MCUR1: variants seen among roughly 807,000 people sequenced by gnomAD.
MCUR1 encodes the protein MCU regulator 1.
MCUR1 carries 37 observed loss-of-function variants against 42.0 expected under a neutral mutation model. That is an observed-to-expected ratio of 0.88 (90% CI 0.68 to 1.16). The LOEUF is 1.16. Ranked by LOEUF, MCUR1 falls within the 50% of genes most tolerant of loss-of-function variation. The pLI is 0.00. For missense variants in MCUR1, 469 were observed against 468.4 expected (o/e 1.00, Z -0.01); for synonymous variants, 229 against 196.2 (o/e 1.17, Z -1.40).
chr6:13,793,148 A>G (rs1456555589), intron 7 of MCUR1, among the ~76,000 whole-genome samples: 1 of 145,064 alleles, frequency 6.9e-6, no homozygotes, highest in African/African-American at 2.6e-5. Context: ...AAAAAAAAAG[A>G]AAGAAGAAAA....
intron 1 of MCUR1, among the ~76,000 whole-genome samples, chr6:13,813,742 C>A (rs1265404484): frequency 6.6e-6 from 1 of 152,168 alleles, no homozygotes; most frequent in Non-Finnish European, 1.5e-5. Flanking sequence ...TAGGAGTGGG[C>A]GGGCACCAAC....
Position 13,789,482 on chromosome 6 carries a change from A to G in MCUR1, c.*1327T>C. ...ATTTGTTTTCAATATAAAGGCAGGT[A>G]TGAGAATGTTTTGAACAACAGAATT... On this transcript the variant is annotated 3_prime_UTR_variant, in exon 9 of 9. Transcript: ENST00000379170. 6.6e-6 allele frequency: 1 copy of G among 152,200 alleles called. No individual in the cohort carries two copies. Among genetic ancestry groups the G allele is most frequent in the Admixed American group, 6.5e-5 (1 of 15,282 alleles). The allele number at this position is 152,200 out of a possible 1,614,324, so 9.4% of individuals were successfully genotyped here.
intron 1 of MCUR1, among the ~76,000 whole-genome samples, chr6:13,812,958 C>G (rs1195699894): frequency 6.6e-6 from 1 of 152,210 alleles, no homozygotes; most frequent in Admixed American, 6.5e-5. Flanking sequence ...CCACAACTAC[C>G]TTTCAGCCCA....
At chr6:13,797,724 A>G (rs1759889416) in intron 6 of MCUR1, among the ~76,000 whole-genome samples, 1 of 142,136 alleles carries the variant, frequency 7.0e-6, no homozygotes, top group Non-Finnish European at 1.5e-5. Context: ...AAACAAAGAA[A>G]AAAAAAACAC....
At chr6:13,813,982 C>G (rs1239338034) in intron 1 of MCUR1, 33 bp downstream of exon 1, 6 of 1,228,748 alleles carry the variant, frequency 4.9e-6, no homozygotes, top group Non-Finnish European at 6.1e-6. Flanking sequence ...CCCCGCGAGA[C>G]GAGCCCCCTC....
chr6:13,787,211 C>T lies in MCUR1; in HGVS notation c.*3598G>A, dbSNP rs1759623195. The stretch of plus-strand genomic sequence containing the variant: ...TAAGCATAGCTACAAAAGGAAAAGC[C>T]ACATGGAAGCAGAGACAAAGGCAAT... On this transcript the variant is annotated 3_prime_UTR_variant, in exon 9 of 9. Coordinates refer to ENST00000379170, the MANE Select transcript of MCUR1 (RefSeq NM_001031713.4). 1 of 152,062 alleles carries T rather than the reference C, an allele frequency of 6.6e-6. No homozygotes were observed. The highest frequency in any genetic ancestry group is 6.6e-5 in the Admixed American group (1 of 15,254). 9.4% of individuals were successfully genotyped at this position (152,062 alleles called of 1,614,324 possible). A position where few individuals can be genotyped will look rare whatever the true frequency, so the allele number is the denominator to read the frequency against.
intron 4 of MCUR1, 33 bp from the exon 5 acceptor site, chr6:13,800,415 GAAC>G (rs759483043): frequency 7.1e-6 from 9 of 1,264,344 alleles, no homozygotes; most frequent in East Asian, 4.8e-5. Context: ...TCATTAGAAA[GAAC>G]AACATAAAAC....
At chr6:13,794,036 C>T in intron 6 of MCUR1, 89 bp from the exon 7 acceptor site, 1 of 1,157,750 alleles carries the variant, frequency 8.6e-7, no homozygotes, top group East Asian at 2.4e-5. Context: ...GTCTCAGTAC[C>T]TCCTAGAATA....
intron 2 of MCUR1, 127 bp downstream of exon 2, chr6:13,806,794 AAATT>A (rs72147121): frequency 0.028 from 31,834 of 1,142,338 alleles, 1,721 homozygotes; most frequent in East Asian, 0.24. Flanking sequence ...GTCTCTAAAT[AAATT>A]AATTAATTAA....
chr6:13,802,630 CA>C (rs1455640357), intron 2 of MCUR1, among the ~76,000 whole-genome samples: 2 of 152,174 alleles, frequency 1.3e-5, no homozygotes, highest in Admixed American at 1.3e-4. Context: ...ATGACATAGA[CA>C]ATGCCGGCAA....
chr6:13,813,768 G>T (rs1760291322), intron 1 of MCUR1, among the ~76,000 whole-genome samples: 1 of 152,140 alleles, frequency 6.6e-6, no homozygotes, highest in African/African-American at 2.4e-5. Context: ...GCCCCAGCAC[G>T]CACCTCCCTC....
intron 6 of MCUR1, among the ~76,000 whole-genome samples, chr6:13,798,548 G>A (rs1231843285): frequency 2.6e-5 from 4 of 152,066 alleles, no homozygotes; most frequent in Non-Finnish European, 5.9e-5. Flanking sequence ...GATCAAGATT[G>A]CATTTAATTT....
In MCUR1 at chr6:13,802,258, G is replaced by T; in HGVS notation, c.624C>A (p.Val208=). The T allele has an allele frequency of 6.2e-7, 1 of 1,613,656 alleles. No individual in the cohort carries two copies. Among genetic ancestry groups the T allele is most frequent in the South Asian group, 1.1e-5 (1 of 90,996 alleles). ...CAAGGCTAACCTGCTGCATCTTGGT[G>T]ACCATATCTTTGTAGACGATGTCCA... ...ANMDIVYKDM[V]TKMQQEITFQ... The change falls in exon 3 of 9, where the codon GTC becomes GTA. Residue 208 remains valine, a synonymous_variant. Transcript: ENST00000379170.
chr6:13,811,173 C>CAA (rs1199649187), intron 1 of MCUR1, among the ~76,000 whole-genome samples: 3 of 152,122 alleles, frequency 2.0e-5, no homozygotes, highest in African/African-American at 7.2e-5. Flanking sequence ...CTTTATTGAG[C>CAA]CCATACCTGT....
chr6:13,802,883 A>G lies in MCUR1; in HGVS notation c.536-537T>C, dbSNP rs141076331. Among the ~76,000 whole-genome samples, 575 of 152,386 alleles carry G rather than the reference A, an allele frequency of 3.8e-3. 7 individuals carry two copies. Among genetic ancestry groups the G allele is most frequent in the African/African-American group, 0.012 (508 of 41,600 alleles). On this transcript the variant is annotated intron_variant, in intron 2 of 8. Coordinates refer to ENST00000379170, the MANE Select transcript of MCUR1 (RefSeq NM_001031713.4). ...GCATAAGGCAGTCAAATCATTGACTATATAAATAGTAATCTAGCTGTTGGC... is the reference window on the plus strand; with the variant it reads ...GCATAAGGCAGTCAAATCATTGACTGTATAAATAGTAATCTAGCTGTTGGC...
intron 5 of MCUR1, 27 bp downstream of exon 5, chr6:13,800,314 G>C: frequency 6.6e-7 from 1 of 1,507,474 alleles, no homozygotes; most frequent in Non-Finnish European, 9.1e-7. Flanking sequence ...TTACAAACCA[G>C]CCAACAAACA....
chr6:13,797,772 C>G (rs1006710647), intron 6 of MCUR1, among the ~76,000 whole-genome samples: 1 of 152,040 alleles, frequency 6.6e-6, no homozygotes, highest in Non-Finnish European at 1.5e-5. Context: ...TCCAGTGATC[C>G]CAGCACTTTA....
chr6:13,796,381 G>C (rs1297502786), intron 6 of MCUR1, among the ~76,000 whole-genome samples: 2 of 150,654 alleles, frequency 1.3e-5, no homozygotes, highest in Non-Finnish European at 2.9e-5. Context: ...TCTGCCTCCT[G>C]GGTTCAAATG....
chr6:13,814,047 C>T lies in MCUR1; in HGVS notation c.383G>A (p.Gly128Asp). ...AAAGALPQYH[G>D]PAPALVSCRR... ...GCAGGAAACGAGTGCAGGCGCCGGGCCGTGGTACTGGGGAAGGGCGCCGGC... is the reference window on the plus strand; with the variant it reads ...GCAGGAAACGAGTGCAGGCGCCGGGTCGTGGTACTGGGGAAGGGCGCCGGC... The change falls in exon 1 of 9, where the codon GGC becomes GAC. Residue 128 changes from glycine (G) to aspartate (D), a missense_variant. Gly to Asp is a moderately conservative substitution (Grantham distance 94). Coordinates refer to ENST00000379170, the MANE Select transcript of MCUR1 (RefSeq NM_001031713.4). 8.1e-7 allele frequency: 1 copy of T among 1,237,514 alleles called. No homozygotes were observed. The highest frequency in any genetic ancestry group is 4.0e-5 in the South Asian group (1 of 24,724). The allele number at this position is 1,237,514 out of a possible 1,614,324, so 76.7% of individuals were successfully genotyped here. A position where few individuals can be genotyped will look rare whatever the true frequency, so the allele number is the denominator to read the frequency against.
Sources: gnomAD v4.1 joint callset for allele counts (sites outside exome capture counted in the v4.1 genomes callset) on GRCh38, gnomAD v4.1.1 for gene constraint, MANE v1.5 for transcripts, NCBI Gene and HGNC (gene_info 2026-07-23, HGNC 2026-07-21) for gene names.